The following AUTS2 variants were observed in gnomAD, a reference collection of about 807,000 sequenced individuals.
AUTS2 encodes activator of transcription and developmental regulator AUTS2, also known as autism susceptibility gene 2 protein.
Under a neutral mutation model 112.4 loss-of-function variants are expected in AUTS2, and 17 were observed. That is an observed-to-expected ratio of 0.15 (90% CI 0.10 to 0.23). AUTS2 has a LOEUF of 0.23. Among genes scored for constraint, AUTS2 ranks in the 10% least tolerant of loss-of-function variants. The pLI is 1.00. For synonymous variants in AUTS2, 751 were observed against 702.7 expected (o/e 1.07, Z -1.09); for missense variants, 1,510 against 1,701.6 (o/e 0.89, Z 1.98).
intron 5 of AUTS2, among the ~76,000 whole-genome samples, chr7:70,639,307 G>A (rs754866014): frequency 7.9e-5 from 12 of 152,122 alleles, no homozygotes; most frequent in Non-Finnish European, 1.6e-4. Flanking sequence ...AATTGCTTTT[G>A]AGTTTGAAGC....
At chr7:70,628,282 G>A (rs956576056) in intron 5 of AUTS2, among the ~76,000 whole-genome samples, 2 of 112,734 alleles carry the variant, frequency 1.8e-5, no homozygotes, top group Admixed American at 1.9e-4. Context: ...GGGGCCACAT[G>A]TTGGGCTTTG....
chr7:70,079,504 A>C (rs1803198406), intron 2 of AUTS2, among the ~76,000 whole-genome samples: 1 of 152,136 alleles, frequency 6.6e-6, no homozygotes, highest in Non-Finnish European at 1.5e-5. Flanking sequence ...TCCATCTCAA[A>C]AAATAAAAAA....
At chr7:70,447,127 G>A (rs939843339) in intron 5 of AUTS2, among the ~76,000 whole-genome samples, 7 of 152,208 alleles carry the variant, frequency 4.6e-5, no homozygotes, top group African/African-American at 1.7e-4. Context: ...AAGAAAGGAG[G>A]CGTAAGTCCT....
At chr7:70,756,048 A>G (rs894041141) in intron 6 of AUTS2, among the ~76,000 whole-genome samples, 2 of 152,178 alleles carry the variant, frequency 1.3e-5, no homozygotes, top group African/African-American at 4.8e-5. Flanking sequence ...CAATATGAGA[A>G]TTAAAGTCAA....
At chr7:69,740,823 G>GTCTTTCAATAGGAGAGCAATAGGAGGA (rs1787234168) in intron 1 of AUTS2, among the ~76,000 whole-genome samples, 1 of 152,152 alleles carries the variant, frequency 6.6e-6, no homozygotes, top group Non-Finnish European at 1.5e-5. Context: ...CGCCCGGCCA[G>GTCTTTCAATAGGAGAGCAATAGGAGGA]AAATGTCTTT....
chr7:70,175,245 G>C (rs1309529688), intron 4 of AUTS2, among the ~76,000 whole-genome samples: 1 of 152,164 alleles, frequency 6.6e-6, no homozygotes, highest in Non-Finnish European at 1.5e-5. Flanking sequence ...CATTAGAATT[G>C]GGGCCTTGAA....
At chr7:70,527,063 C>T (rs1799871579) in intron 5 of AUTS2, among the ~76,000 whole-genome samples, 1 of 152,232 alleles carries the variant, frequency 6.6e-6, no homozygotes, top group South Asian at 2.1e-4. Flanking sequence ...ATCACACAAG[C>T]TGAGCTGCCT....
intron 5 of AUTS2, among the ~76,000 whole-genome samples, chr7:70,594,399 T>G (rs555516005): frequency 4.5e-4 from 68 of 152,316 alleles, no homozygotes; most frequent in Non-Finnish European, 6.3e-4. Flanking sequence ...TTTACATTTC[T>G]GACATCTGGG....
At chr7:69,849,961 G>C (rs1467327757) in intron 1 of AUTS2, among the ~76,000 whole-genome samples, 1 of 152,060 alleles carries the variant, frequency 6.6e-6, no homozygotes, top group African/African-American at 2.4e-5. Flanking sequence ...AAACACTCAG[G>C]ATTGTAATTG....
At chr7:70,633,740 CG>C (rs2129538822) in intron 5 of AUTS2, among the ~76,000 whole-genome samples, 1 of 151,974 alleles carries the variant, frequency 6.6e-6, no homozygotes. Context: ...GAATGTGAAC[CG>C]TCTATTAAAT....
chr7:70,254,656 T>G (rs1453037003), intron 4 of AUTS2, among the ~76,000 whole-genome samples: 1 of 152,194 alleles, frequency 6.6e-6, no homozygotes, highest in Non-Finnish European at 1.5e-5. Context: ...AAACTTTCCT[T>G]TACCCTTCTC....
intron 6 of AUTS2, chr7:70,729,076 G>A (rs905387094): frequency 2.2e-6 from 1 of 445,032 alleles, no homozygotes; most frequent in Non-Finnish European, 4.5e-6. Context: ...AGCTAGAGCT[G>A]CTCTGCTCTT....
chr7:69,647,636 C>T (rs1386905988), intron 1 of AUTS2, among the ~76,000 whole-genome samples: 2 of 152,178 alleles, frequency 1.3e-5, no homozygotes, highest in Admixed American at 6.5e-5. Flanking sequence ...GGATTACAGG[C>T]GTGAGCCACC....
intron 5 of AUTS2, among the ~76,000 whole-genome samples, chr7:70,684,409 T>G (rs755197683): frequency 8.5e-5 from 13 of 152,170 alleles, no homozygotes; most frequent in Non-Finnish European, 1.9e-4. Flanking sequence ...CTTCAGATCT[T>G]AAAACCTCTC....
intron 4 of AUTS2, chr7:70,290,561 G>C (rs1317627606): frequency 1.1e-5 from 17 of 1,486,108 alleles, no homozygotes; most frequent in African/African-American, 1.5e-5. Flanking sequence ...ATGTGATATA[G>C]ATTCTGTTGA....
intron 4 of AUTS2, among the ~76,000 whole-genome samples, chr7:70,427,227 T>G (rs1039509201): frequency 3.3e-5 from 5 of 152,184 alleles, no homozygotes; most frequent in Non-Finnish European, 1.5e-5. Context: ...AATCAGTAAA[T>G]CAATGACAGA....
chr7:70,113,571 C>A (rs1056681848), intron 2 of AUTS2, among the ~76,000 whole-genome samples: 1 of 152,166 alleles, frequency 6.6e-6, no homozygotes, highest in African/African-American at 2.4e-5. Flanking sequence ...TACATTCCTA[C>A]AGAAAAACTC....
At chr7:70,237,833 G>C (rs188891284) in intron 4 of AUTS2, among the ~76,000 whole-genome samples, 1 of 152,128 alleles carries the variant, frequency 6.6e-6, no homozygotes, top group South Asian at 2.1e-4. Flanking sequence ...TCTCCCCCTC[G>C]GCAGGATAAA....
intron 4 of AUTS2, among the ~76,000 whole-genome samples, chr7:70,207,726 T>A (rs2129586771): frequency 6.6e-6 from 1 of 152,222 alleles, no homozygotes. Flanking sequence ...ATTATTACAT[T>A]ACCGGCTGGG....
Sources: gnomAD v4.1 joint callset for allele counts (sites outside exome capture counted in the v4.1 genomes callset) on GRCh38, gnomAD v4.1.1 for gene constraint, MANE v1.5 for transcripts, NCBI Gene and HGNC (gene_info 2026-07-23, HGNC 2026-07-21) for gene names.